Variants in PHYHIPL observed in about 807,000 individuals in gnomAD.
PHYHIPL encodes phytanoyl-CoA hydroxylase-interacting protein-like.
Under a neutral mutation model 33.4 loss-of-function variants are expected in PHYHIPL, and 9 were observed. The observed-to-expected ratio is 0.27, with a 90% confidence interval of 0.16 to 0.47. The LOEUF (loss-of-function observed/expected upper bound fraction) is 0.47, where lower values mean the gene tolerates loss of function less well. Ranked by LOEUF, PHYHIPL falls within the 20% of genes least tolerant of loss-of-function variation. PHYHIPL has a pLI of 0.99. For synonymous variants in PHYHIPL, 153 were observed against 154.1 expected (o/e 0.99, Z 0.05); for missense variants, 365 against 460.7 (o/e 0.79, Z 1.90).
intron 1 of PHYHIPL, among the ~76,000 whole-genome samples, chr10:59,205,863 T>C (rs755799752): frequency 6.6e-6 from 1 of 152,152 alleles, no homozygotes; most frequent in African/African-American, 2.4e-5. Context: ...TTTTCTGGCT[T>C]TCGTAATATA....
chr10:59,233,939 T>C (rs767177811), intron 1 of PHYHIPL, among the ~76,000 whole-genome samples: 2 of 151,812 alleles, frequency 1.3e-5, no homozygotes, highest in African/African-American at 4.8e-5. Flanking sequence ...TCATGGACTT[T>C]TAAAGAAATG....
Position 59,234,616 on chromosome 10 carries a change from G to GA in PHYHIPL, c.303+122dup, listed in dbSNP as rs1020816083. On this transcript the variant is annotated intron_variant, in intron 2 of 4. Transcript: ENST00000373880. The stretch of plus-strand genomic sequence containing the variant: ...GGCTTATGTGATGTATTTGACTTGG[G>GA]AAAAAATAAAGATTATATGTAACTC... 2.3e-5 allele frequency: 15 copies of GA among 654,570 alleles called. No homozygotes were observed. In the African/African-American group the frequency reaches 2.5e-4, roughly 11 times the overall value. 40.5% of individuals were successfully genotyped at this position (654,570 alleles called of 1,614,324 possible). A position where few individuals can be genotyped will look rare whatever the true frequency, so the allele number is the denominator to read the frequency against.
intron 1 of PHYHIPL, among the ~76,000 whole-genome samples, chr10:59,232,050 T>A (rs1161778380): frequency 2.6e-5 from 4 of 152,032 alleles, no homozygotes; most frequent in Non-Finnish European, 5.9e-5. Flanking sequence ...ATCTAAGATA[T>A]GCCTAAAGTA....
intron 1 of PHYHIPL, among the ~76,000 whole-genome samples, chr10:59,204,347 A>G (rs1839224884): frequency 6.6e-6 from 1 of 152,206 alleles, no homozygotes; most frequent in Non-Finnish European, 1.5e-5. Flanking sequence ...ACAGTTCATA[A>G]CCATTCTAAA....
At chr10:59,183,371 T>C (rs1234447475) in intron 1 of PHYHIPL, among the ~76,000 whole-genome samples, 1 of 152,208 alleles carries the variant, frequency 6.6e-6, no homozygotes, top group African/African-American at 2.4e-5. Flanking sequence ...AAATCTAACA[T>C]TAAGAGAACC....
At chr10:59,190,054 T>TAA (rs1838741839) in intron 1 of PHYHIPL, among the ~76,000 whole-genome samples, 1 of 152,024 alleles carries the variant, frequency 6.6e-6, no homozygotes, top group Non-Finnish European at 1.5e-5. Flanking sequence ...TTATATAACA[T>TAA]TGTGTAATAA....
At chr10:59,210,163 A>G (rs887737092) in intron 1 of PHYHIPL, among the ~76,000 whole-genome samples, 7 of 151,278 alleles carry the variant, frequency 4.6e-5, no homozygotes, top group Non-Finnish European at 8.8e-5. Context: ...TGAGAGAAAA[A>G]TTTTGCGCTC....
intron 1 of PHYHIPL, among the ~76,000 whole-genome samples, chr10:59,217,164 A>G (rs1214180806): frequency 6.6e-6 from 1 of 152,114 alleles, no homozygotes; most frequent in African/African-American, 2.4e-5. Flanking sequence ...TTTATTTTGC[A>G]GTAGAGACAC....
chr10:59,214,575 T>C (rs1839556122), intron 1 of PHYHIPL, among the ~76,000 whole-genome samples: 1 of 152,030 alleles, frequency 6.6e-6, no homozygotes, highest in South Asian at 2.1e-4. Flanking sequence ...AACAAGCAAA[T>C]AAGTAGTATC....
chr10:59,206,397 A>G (rs1483401287), intron 1 of PHYHIPL, among the ~76,000 whole-genome samples: 1 of 152,036 alleles, frequency 6.6e-6, no homozygotes, highest in Non-Finnish European at 1.5e-5. Flanking sequence ...CTCCCTTCCT[A>G]TTATTTGGAG....
At chr10:59,215,420 AT>A (rs1393020826) in intron 1 of PHYHIPL, among the ~76,000 whole-genome samples, 5 of 152,056 alleles carry the variant, frequency 3.3e-5, no homozygotes, top group African/African-American at 1.2e-4. Context: ...TTCAAGTGGT[AT>A]TTTTAGAAAC....
At chr10:59,201,875 A>G (rs1274017772) in intron 1 of PHYHIPL, among the ~76,000 whole-genome samples, 2 of 152,174 alleles carry the variant, frequency 1.3e-5, no homozygotes, top group Non-Finnish European at 2.9e-5. Context: ...TTTATCATTT[A>G]TTTTTAAATA....
chr10:59,245,738 C>T lies in PHYHIPL; in HGVS notation c.*147C>T. On this transcript the variant is annotated 3_prime_UTR_variant, in exon 5 of 5. Coordinates refer to ENST00000373880, the MANE Select transcript of PHYHIPL (RefSeq NM_032439.4). ...CAAACAACTACCACTTTCCAAATTT[C>T]ATTCAGAACCATTTTAGTGTTTTCC... 1 of 815,276 alleles carries T rather than the reference C, an allele frequency of 1.2e-6. No individual in the cohort carries two copies. Among genetic ancestry groups the T allele is most frequent in the Non-Finnish European group, 1.9e-6 (1 of 538,434 alleles). 50.5% of individuals were successfully genotyped at this position (815,276 alleles called of 1,614,324 possible).
At chr10:59,201,051 A>G (rs188524858) in intron 1 of PHYHIPL, among the ~76,000 whole-genome samples, 108 of 151,918 alleles carry the variant, frequency 7.1e-4, no homozygotes, top group Non-Finnish European at 1.6e-4. Flanking sequence ...TTGTGTCTCT[A>G]TCTCCTTCAG....
intron 1 of PHYHIPL, among the ~76,000 whole-genome samples, chr10:59,218,817 T>C (rs1426862859): frequency 6.6e-6 from 1 of 152,154 alleles, no homozygotes; most frequent in Non-Finnish European, 1.5e-5. Context: ...AATAAAAAAT[T>C]ATGTGTTGGG....
intron 1 of PHYHIPL, among the ~76,000 whole-genome samples, chr10:59,180,417 T>C (rs1838386161): frequency 6.7e-6 from 1 of 148,150 alleles, no homozygotes; most frequent in Non-Finnish European, 1.5e-5. Context: ...CTTACATGTA[T>C]CTAAGCTGCC....
In PHYHIPL at chr10:59,247,428, C is replaced by T. The variant is rs992555204; in HGVS notation, c.*1837C>T. On this transcript the variant is annotated 3_prime_UTR_variant, in exon 5 of 5. Coordinates refer to ENST00000373880, the MANE Select transcript of PHYHIPL (RefSeq NM_032439.4). ...CAATTATATGGCTACCTGTTGTATTCTTCCCCCCGTTTAAATCCCTTCTCC... is the reference window on the plus strand; with the variant it reads ...CAATTATATGGCTACCTGTTGTATTTTTCCCCCCGTTTAAATCCCTTCTCC... 116 of 652,060 alleles carry T rather than the reference C, an allele frequency of 1.8e-4. No homozygotes were observed. The highest frequency in any genetic ancestry group is 2.7e-4 in the Non-Finnish European group (105 of 393,364). 40.4% of individuals were successfully genotyped at this position (652,060 alleles called of 1,614,324 possible). A position where few individuals can be genotyped will look rare whatever the true frequency, so the allele number is the denominator to read the frequency against.
At chr10:59,212,364 A>G (rs1839480070) in intron 1 of PHYHIPL, among the ~76,000 whole-genome samples, 1 of 152,206 alleles carries the variant, frequency 6.6e-6, no homozygotes, top group African/African-American at 2.4e-5. Flanking sequence ...CTGCTTTCTT[A>G]CATATTTTTA....
At chr10:59,234,214 A>T in intron 1 of PHYHIPL, 90 bp from the exon 2 acceptor site, 1 of 1,059,066 alleles carries the variant, frequency 9.4e-7, no homozygotes. Context: ...AGTCATCTCT[A>T]CTTTTTATTG....
Sources: allele counts gnomAD v4.1 joint callset (sites outside exome capture counted in the v4.1 genomes callset), GRCh38; gene constraint gnomAD v4.1.1; transcripts MANE v1.5; gene names NCBI Gene and HGNC (gene_info 2026-07-23, HGNC 2026-07-21).